Variants in ZNF692 observed in about 807,000 individuals in gnomAD.
ZNF692 encodes AICAR responsive element binding protein.
Under a neutral mutation model 49.0 loss-of-function variants are expected in ZNF692, and 41 were observed. The observed-to-expected ratio is 0.84, with a 90% CI of 0.65 to 1.08. The LOEUF is 1.08. Ranked by LOEUF, ZNF692 falls within the 50% of genes least tolerant of loss-of-function variation. The pLI is 0.00. For missense variants in ZNF692, 662 were observed against 662.2 expected (o/e 1.00, Z 0.00); for synonymous variants, 288 against 251.5 (o/e 1.15, Z -1.37).
chr1:248,858,066 C>G lies in ZNF692; in HGVS notation c.179+65G>C. The G allele has an allele frequency of 6.4e-7, 1 of 1,553,350 alleles. No homozygotes were observed. The highest frequency in any genetic ancestry group is 8.7e-7 in the Non-Finnish European group (1 of 1,154,528). Reference sequence around the variant, plus strand: ...GTGGAAAAGAGCAGCAGGACAGGCCCTGGAGAGGAGGCTAGGGGCTGCTGC... The same window carrying G: ...GTGGAAAAGAGCAGCAGGACAGGCCGTGGAGAGGAGGCTAGGGGCTGCTGC... On this transcript the variant is annotated intron_variant, in intron 2 of 11. Transcript: ENST00000306601. This position sits in a 1 kb window ranked among gnomAD's most constrained non-coding sequence, Gnocchi z 4.3.
chr1:248,850,373 TG>T lies in ZNF692; in HGVS notation c.1396del (p.His466ThrfsTer11). The part of the protein sequence containing the change: ...RFEKPDSVAA[H>X]RSKSHPALLL... ...CAGGGCTGGGTGACTTTTGCTACGG[TG>T]GGCTGCAACACTGTCTGGCTTCTCA... On this transcript the variant is annotated frameshift_variant, in exon 12 of 12. Transcript: ENST00000306601. LOFTEE classifies it low-confidence loss of function (END_TRUNC). The T allele has an allele frequency of 6.2e-7, 1 of 1,614,102 alleles. No individual in the cohort carries two copies. The highest frequency in any genetic ancestry group is 8.5e-7 in the Non-Finnish European group (1 of 1,180,022).
intron 4 of ZNF692, 144 bp downstream of exon 4, chr1:248,857,090 A>C: frequency 1.1e-6 from 1 of 871,838 alleles, no homozygotes. Flanking sequence ...TTTCATGCCC[A>C]ACAGTGTATT....
intron 10 of ZNF692, among the ~76,000 whole-genome samples, chr1:248,852,813 C>T (rs1352752231): frequency 1.3e-5 from 2 of 152,186 alleles, no homozygotes; most frequent in Admixed American, 6.5e-5. Context: ...TCACTACTCA[C>T]CTGACCTGCC....
Position 248,858,210 on chromosome 1 carries a change from G to T in ZNF692, c.100C>A (p.His34Asn). ...RSKCRIRLGG[H>N]MEQWCLLKER... is the part of the protein sequence containing the mutation. Reference sequence around the variant, plus strand: ...TTGAGGAGGCACCACTGCTCCATGTGGCCGCCCAGGCGGATGCGGCACTTG... The same window carrying T: ...TTGAGGAGGCACCACTGCTCCATGTTGCCGCCCAGGCGGATGCGGCACTTG... Residue 34 changes from histidine (H) to asparagine (N), a missense_variant, in exon 2 of 12, where the codon CAC becomes AAC. By Grantham distance (68) the His-to-Asn change is moderately conservative. Transcript: ENST00000306601. The surrounding 1 kb of genome is among the most constrained non-coding windows in gnomAD (Gnocchi z 4.3). 1 of 1,592,352 alleles carries T rather than the reference G, an allele frequency of 6.3e-7. No homozygotes were observed.
chr1:248,858,950 C>T lies in ZNF692; in HGVS notation c.-45G>A, dbSNP rs984700830. The T allele has an allele frequency of 5.2e-6, 1 of 191,860 alleles. No homozygotes were observed. Among genetic ancestry groups the T allele is most frequent in the East Asian group, 1.4e-4 (1 of 7,384 alleles). The allele number at this position is 191,860 out of a possible 1,614,324, so 11.9% of individuals were successfully genotyped here. A position where few individuals can be genotyped will look rare whatever the true frequency, so the allele number is the denominator to read the frequency against. ...CCCCCACGCGCCCTCACCCCCACTG[C>T]GCCTGCGCCTGCGCCTCCCGGGCCT... On this transcript the variant is annotated 5_prime_UTR_variant, in exon 1 of 12. Coordinates refer to ENST00000306601, the MANE Select transcript of ZNF692 (RefSeq NM_017865.4). This position sits in a 1 kb window ranked among gnomAD's most constrained non-coding sequence, Gnocchi z 4.3.
intron 10 of ZNF692, among the ~76,000 whole-genome samples, chr1:248,851,889 A>C (rs1659642930): frequency 6.6e-6 from 1 of 152,246 alleles, no homozygotes; most frequent in Non-Finnish European, 1.5e-5. Context: ...ATTCCAGGCC[A>C]GTCCACTGGC....
At chr1:248,854,368 T>G in intron 9 of ZNF692, 1 of 259,770 alleles carries the variant, frequency 3.8e-6, no homozygotes, top group African/African-American at 2.2e-5. Context: ...AAAGTATCAC[T>G]CTGGGTGACA....
In ZNF692 at chr1:248,855,800, G is replaced by A; in HGVS notation, c.806C>T (p.Pro269Leu). The A allele has an allele frequency of 6.2e-7, 1 of 1,614,208 alleles. No individual in the cohort carries two copies. The highest frequency in any genetic ancestry group is 8.5e-7 in the Non-Finnish European group (1 of 1,180,044). The change falls in exon 7 of 12, where the codon CCA becomes CTA. Residue 269 changes from proline (P) to leucine (L), a missense_variant. Physicochemically the swap from Pro to Leu is moderately conservative, Grantham distance 98. Coordinates refer to ENST00000306601, the MANE Select transcript of ZNF692 (RefSeq NM_017865.4). Reference sequence around the variant, plus strand: ...TGGCTGCACCCTGACTTCTGCAGGTGGAGGAGCTCTGGAACTCAATGAGGA... The same window carrying A: ...TGGCTGCACCCTGACTTCTGCAGGTAGAGGAGCTCTGGAACTCAATGAGGA... ...SASSLSSRAP[P>L]PAEVRVQPQL...
At chr1:248,850,827 G>A (rs762762801) in intron 10 of ZNF692, 46 bp from the exon 11 acceptor site, 52 of 1,565,740 alleles carry the variant, frequency 3.3e-5, no homozygotes, top group Non-Finnish European at 4.3e-5. Context: ...CCACCCTGTG[G>A]CCCCTCCTTG....
rs561999154 is a variant in ZNF692, at chr1:248,857,105, G to T, written c.475+129C>A. 23 of 961,100 alleles carry T rather than the reference G, an allele frequency of 2.4e-5. No individual in the cohort carries two copies. The African/African-American group carries it at 3.8e-4, about 16-fold the overall frequency. The allele number at this position is 961,100 out of a possible 1,614,324, so 59.5% of individuals were successfully genotyped here. On this transcript the variant is annotated intron_variant, in intron 4 of 11. Coordinates refer to ENST00000306601, the MANE Select transcript of ZNF692 (RefSeq NM_017865.4). ...TTTCATGCCCAACAGTGTATTTGAT[G>T]ATATATTTGTCAAGATAGAGTTTTT...
In ZNF692 at chr1:248,858,083, G is replaced by C; in HGVS notation, c.179+48C>G. On this transcript the variant is annotated intron_variant, in intron 2 of 11. Coordinates refer to ENST00000306601, the MANE Select transcript of ZNF692 (RefSeq NM_017865.4). The surrounding 1 kb of genome is among the most constrained non-coding windows in gnomAD (Gnocchi z 4.3). ...GACAGGCCCTGGAGAGGAGGCTAGG[G>C]GCTGCTGCCTGGGTACCCTCCCCCA... is the stretch of plus-strand genomic sequence containing the variant. The C allele has an allele frequency of 6.5e-7, 1 of 1,550,080 alleles. No individual in the cohort carries two copies. Among genetic ancestry groups the C allele is most frequent in the Non-Finnish European group, 8.7e-7 (1 of 1,151,826 alleles).
intron 10 of ZNF692, among the ~76,000 whole-genome samples, chr1:248,852,711 A>T (rs1659738688): frequency 6.6e-6 from 1 of 152,028 alleles, no homozygotes; most frequent in Admixed American, 6.6e-5. Context: ...TTCTCAGCTC[A>T]CATTTGGCCT....
intron 10 of ZNF692, among the ~76,000 whole-genome samples, chr1:248,852,318 C>A (rs1433285516): frequency 6.6e-6 from 1 of 152,168 alleles, no homozygotes; most frequent in African/African-American, 2.4e-5. Context: ...ACTACAACAC[C>A]CACATCTTCT....
rs764140500 is a variant in ZNF692 at position 248,856,318 on chromosome 1, C to G, written c.629G>C (p.Ser210Thr). Residue 210 changes from serine (S) to threonine (T), a missense_variant, in exon 6 of 12, where the codon AGC becomes ACC. Ser to Thr is a moderately conservative substitution (Grantham distance 58). Coordinates refer to ENST00000306601, the MANE Select transcript of ZNF692 (RefSeq NM_017865.4). The stretch of plus-strand genomic sequence containing the variant: ...TGGGGAGGAGCTGTAGGTCCATAAG[C>G]TGGCATCACTGAGCATCTCCTCTTC... ...EDEEEMLSDA[S>T]LWTYSSSPDD... 1.9e-6 allele frequency: 3 copies of G among 1,604,938 alleles called. No individual in the cohort carries two copies. Among genetic ancestry groups the G allele is most frequent in the Middle Eastern group, 1.7e-4 (1 of 6,024 alleles).
Position 248,850,768 on chromosome 1 carries a change from G to A in ZNF692, c.1167C>T (p.Tyr389=). The A allele has an allele frequency of 1.2e-6, 2 of 1,614,088 alleles. No individual in the cohort carries two copies. The highest frequency in any genetic ancestry group is 1.7e-6 in the Non-Finnish European group (2 of 1,179,992). Residue 389 remains tyrosine, a synonymous_variant, in exon 11 of 12, where the codon TAC becomes TAT. Transcript: ENST00000306601. ...HMKLHSDTRD[Y]ICEFCARSFR... ...AAGACCGGGCGCAGAACTCACAGAT[G>A]TAGTCCCGGGTGTCTGCAGGCATAT...
intron 10 of ZNF692, among the ~76,000 whole-genome samples, chr1:248,853,546 A>C (rs1659864823): frequency 6.6e-6 from 1 of 152,190 alleles, no homozygotes. Context: ...TGTAAGGTAC[A>C]GGTTTCCATT....
intron 10 of ZNF692, among the ~76,000 whole-genome samples, chr1:248,852,400 C>T (rs1417586544): frequency 6.6e-6 from 1 of 152,158 alleles, no homozygotes; most frequent in East Asian, 1.9e-4. Context: ...CCCCCGGCAG[C>T]CCTCCACTGT....
At chr1:248,857,173 AC>A in intron 4 of ZNF692, 60 bp downstream of exon 4, 1 of 1,506,618 alleles carries the variant, frequency 6.6e-7, no homozygotes, top group Non-Finnish European at 9.0e-7. Context: ...GTTCTGAGCT[AC>A]AGAAAATGGG....
Position 248,850,255 on chromosome 1 carries a change from C to T in ZNF692, c.1515G>A (p.Arg505=), listed in dbSNP as rs1659389187. 1 of 1,587,426 alleles carries T rather than the reference C, an allele frequency of 6.3e-7. No homozygotes were observed. The highest frequency in any genetic ancestry group is 8.6e-7 in the Non-Finnish European group (1 of 1,165,546). ...PGPLGSSEGS[R]PSASPQAPTL... is the part of the protein sequence containing the mutation. ...TTGGAGCCTGAGGAGATGCAGAGGG[C>T]CTGGACCCCTCGCTGGATCCCAGAG... is the stretch of plus-strand genomic sequence containing the variant. Residue 505 remains arginine (R), a synonymous_variant, in exon 12 of 12, where the codon AGG becomes AGA. Coordinates refer to ENST00000306601, the MANE Select transcript of ZNF692 (RefSeq NM_017865.4).
Sources: allele counts gnomAD v4.1 joint callset (sites outside exome capture counted in the v4.1 genomes callset), GRCh38; gene constraint gnomAD v4.1.1; non-coding constraint Gnocchi (gnomAD v3.1); transcripts MANE v1.5; gene names NCBI Gene and HGNC (gene_info 2026-07-23, HGNC 2026-07-21).